CFAP210: variants seen among roughly 807,000 people sequenced by gnomAD.
The protein encoded by CFAP210 is cilia and flagella associated protein 210.
At chr2:169,680,982 G>A in the CFAP210 span, 3 of 1,583,882 alleles carry the variant, frequency 1.9e-6, no homozygotes, top group Non-Finnish European at 2.6e-6. Flanking sequence ...CAGTGCATGT[G>A]TACTCCTGGA....
chr2:169,693,749 G>C, the CFAP210 span, among the ~76,000 whole-genome samples: 1 of 152,156 alleles, frequency 6.6e-6, no homozygotes, highest in African/African-American at 2.4e-5. Flanking sequence ...TTGACTTAGA[G>C]AGAGACCTTA....
chr2:169,681,885 A>G, the CFAP210 span, among the ~76,000 whole-genome samples: 3 of 150,596 alleles, frequency 2.0e-5, no homozygotes, highest in South Asian at 6.2e-4. Context: ...GAAGAAAGAC[A>G]GACAAACAGC....
the CFAP210 span, among the ~76,000 whole-genome samples, chr2:169,688,093 G>A: frequency 6.6e-6 from 1 of 152,192 alleles, no homozygotes; most frequent in African/African-American, 2.4e-5. Context: ...CAAGTCTATA[G>A]GCTGCACACA....
the CFAP210 span, among the ~76,000 whole-genome samples, chr2:169,662,827 G>T: frequency 6.6e-6 from 1 of 152,224 alleles, no homozygotes; most frequent in Non-Finnish European, 1.5e-5. Context: ...CTCAAGGAAT[G>T]CAGTTTGATG....
At chr2:169,658,911 A>C in the CFAP210 span, 1 of 169,132 alleles carries the variant, frequency 5.9e-6, no homozygotes, top group South Asian at 1.5e-4. Flanking sequence ...GGACTGCTTG[A>C]CCTCAGGAGT....
At chr2:169,674,874 T>C in the CFAP210 span, 16 of 1,510,058 alleles carry the variant, frequency 1.1e-5, no homozygotes, top group African/African-American at 1.4e-5. Flanking sequence ...TACATGAAAG[T>C]TTTTCACTCT....
chr2:169,652,122 G>C, the CFAP210 span, among the ~76,000 whole-genome samples: 3 of 152,038 alleles, frequency 2.0e-5, no homozygotes, highest in Non-Finnish European at 4.4e-5. Flanking sequence ...ATTTTGTTGT[G>C]ACAAATTCAC....
At chr2:169,674,624 T>C in the CFAP210 span, 3 of 1,609,984 alleles carry the variant, frequency 1.9e-6, no homozygotes, top group Admixed American at 5.1e-5. Flanking sequence ...GTGTCGTTTT[T>C]CTGCTTTTTC....
At chr2:169,654,783 T>C in the CFAP210 span, among the ~76,000 whole-genome samples, 3 of 151,716 alleles carry the variant, frequency 2.0e-5, no homozygotes, top group African/African-American at 7.2e-5. Context: ...ATACACCAAA[T>C]ATATATATAT....
the CFAP210 span, among the ~76,000 whole-genome samples, chr2:169,682,485 T>TACAC: frequency 1.8e-3 from 268 of 150,976 alleles, 3 homozygotes; most frequent in South Asian, 3.8e-3. Context: ...CCATTTTCTA[T>TACAC]ACACACACAC....
At chr2:169,656,691 TG>T in the CFAP210 span, among the ~76,000 whole-genome samples, 1 of 151,976 alleles carries the variant, frequency 6.6e-6, no homozygotes, top group Non-Finnish European at 1.5e-5. Context: ...AGACCGGGCG[TG>T]GTGACTCACA....
chr2:169,677,049 C>T, the CFAP210 span, among the ~76,000 whole-genome samples: 2 of 152,176 alleles, frequency 1.3e-5, no homozygotes, highest in Non-Finnish European at 2.9e-5. Flanking sequence ...CTATAACCTT[C>T]AGGCAGAGGG....
At chr2:169,667,231 C>G in the CFAP210 span, among the ~76,000 whole-genome samples, 3 of 151,358 alleles carry the variant, frequency 2.0e-5, no homozygotes, top group Non-Finnish European at 2.9e-5. Context: ...CTCTGCCCCC[C>G]GGGTTCAAGA....
At chr2:169,669,177 A>G in the CFAP210 span, among the ~76,000 whole-genome samples, 14 of 152,276 alleles carry the variant, frequency 9.2e-5, no homozygotes, top group Non-Finnish European at 1.8e-4. Flanking sequence ...ACAGATGAAG[A>G]ATGGAAGGGT....
chr2:169,692,694 C>T, the CFAP210 span, among the ~76,000 whole-genome samples: 2 of 152,176 alleles, frequency 1.3e-5, no homozygotes, highest in African/African-American at 4.8e-5. Flanking sequence ...TGCCACTGAA[C>T]ATTTGACAAA....
chr2:169,662,426 G>A, the CFAP210 span: 7 of 1,583,374 alleles, frequency 4.4e-6, no homozygotes, highest in African/African-American at 6.9e-5. Flanking sequence ...TCTTCCTCAT[G>A]TTCCTTTATT....
At chr2:169,646,387 A>G in the CFAP210 span, among the ~76,000 whole-genome samples, 1 of 152,188 alleles carries the variant, frequency 6.6e-6, no homozygotes, top group Non-Finnish European at 1.5e-5. Context: ...CTTTATTAAT[A>G]GCCTTATGTG....
chr2:169,655,049 G>A, the CFAP210 span, among the ~76,000 whole-genome samples: 15,742 of 152,142 alleles, frequency 0.1, 984 homozygotes, highest in Middle Eastern at 0.19. Flanking sequence ...AGTAAAATCT[G>A]TTCATATTAG....
chr2:169,662,416 T>C, the CFAP210 span: 1 of 1,596,452 alleles, frequency 6.3e-7, no homozygotes. Context: ...TCTTTCCTCT[T>C]CTTCCTCATG....
Sources: allele counts gnomAD v4.1 joint callset (sites outside exome capture counted in the v4.1 genomes callset), GRCh38; gene constraint gnomAD v4.1.1; transcripts MANE v1.5; gene names NCBI Gene and HGNC (gene_info 2026-07-23, HGNC 2026-07-21).